The following MAP2K6 variants were observed in gnomAD, a reference collection of about 807,000 sequenced individuals.
MAP2K6 encodes dual specificity mitogen-activated protein kinase kinase 6.
MAP2K6 carries 16 observed loss-of-function variants against 53.7 expected under a neutral mutation model. That is an observed-to-expected ratio of 0.30 (90% CI 0.20 to 0.45). MAP2K6 has a LOEUF of 0.45. Among genes scored for constraint, MAP2K6 ranks in the 20% least tolerant of loss-of-function variants. The pLI is 1.00. For synonymous variants in MAP2K6, 132 were observed against 143.1 expected (o/e 0.92, Z 0.55); for missense variants, 204 against 411.9 (o/e 0.50, Z 4.37).
chr17:69,519,676 T>G (rs1479345689), intron 5 of MAP2K6: 1 of 465,686 alleles, frequency 2.1e-6, no homozygotes, highest in Non-Finnish European at 3.8e-6. Flanking sequence ...TTTTGTTTTG[T>G]TTATCTTGGC....
At chr17:69,519,728 C>G (rs1910367424) in intron 5 of MAP2K6, 1 of 305,906 alleles carries the variant, frequency 3.3e-6, no homozygotes, top group Non-Finnish European at 6.0e-6. Flanking sequence ...GCTTAGATCT[C>G]TTATAATTTG....
intron 1 of MAP2K6, chr17:69,433,958 T>G (rs1281665864): frequency 6.6e-6 from 1 of 152,252 alleles, no homozygotes; most frequent in Non-Finnish European, 1.5e-5. Context: ...TTGCTTGACT[T>G]CAATATACTA....
At chr17:69,535,341 C>T (rs1241200329) in intron 10 of MAP2K6, among the ~76,000 whole-genome samples, 2 of 152,042 alleles carry the variant, frequency 1.3e-5, no homozygotes, top group Non-Finnish European at 2.9e-5. Flanking sequence ...ACCTGTACTC[C>T]CAGCTCTTTG....
At chr17:69,530,988 T>C (rs1911055460) in intron 10 of MAP2K6, among the ~76,000 whole-genome samples, 1 of 152,142 alleles carries the variant, frequency 6.6e-6, no homozygotes, top group Non-Finnish European at 1.5e-5. Context: ...AACTCCCCTT[T>C]ATCAGCTATT....
Position 69,545,557 on chromosome 17 carries a change from C to G in MAP2K6, c.*3804C>G, listed in dbSNP as rs1911845092. On this transcript the variant is annotated 3_prime_UTR_variant, in exon 12 of 12. Coordinates refer to ENST00000590474, the MANE Select transcript of MAP2K6 (RefSeq NM_002758.4). ...CAAAAAATTGTATGTGCCAGAGATTCCTAAACTTTCTGTGTTCAGGGTGCC... is the reference window on the plus strand; with the variant it reads ...CAAAAAATTGTATGTGCCAGAGATTGCTAAACTTTCTGTGTTCAGGGTGCC... The G allele has an allele frequency of 6.6e-6, 1 of 152,186 alleles. No homozygotes were observed. The highest frequency in any genetic ancestry group is 1.5e-5 in the Non-Finnish European group (1 of 68,040). The allele number at this position is 152,186 out of a possible 1,614,324, so 9.4% of individuals were successfully genotyped here.
intron 2 of MAP2K6, among the ~76,000 whole-genome samples, chr17:69,510,885 A>AT (rs891846873): frequency 1.4e-5 from 2 of 145,094 alleles, no homozygotes; most frequent in Non-Finnish European, 3.0e-5. Flanking sequence ...AACTTTATTG[A>AT]TTTTTTTTCT....
chr17:69,416,713 A>G (rs1905914644), intron 1 of MAP2K6, among the ~76,000 whole-genome samples: 1 of 152,246 alleles, frequency 6.6e-6, no homozygotes, highest in Admixed American at 6.5e-5. Flanking sequence ...ATGTAAGGAA[A>G]TCATTATAAT....
At chr17:69,515,666 C>G (rs1350417254) in intron 2 of MAP2K6, among the ~76,000 whole-genome samples, 1 of 152,214 alleles carries the variant, frequency 6.6e-6, no homozygotes, top group East Asian at 1.9e-4. Flanking sequence ...TAAGAAGACC[C>G]CAGAATTGTA....
At chr17:69,537,435 T>C (rs1255441808) in intron 11 of MAP2K6, among the ~76,000 whole-genome samples, 2 of 152,216 alleles carry the variant, frequency 1.3e-5, no homozygotes, top group African/African-American at 2.4e-5. Context: ...CTTGCTCCTC[T>C]GCTATCCCAG....
chr17:69,434,383 G>A (rs1236867717), intron 1 of MAP2K6: 1 of 152,198 alleles, frequency 6.6e-6, no homozygotes, highest in Non-Finnish European at 1.5e-5. Context: ...TGCCAAGAAC[G>A]AGGGAGCTTG....
chr17:69,490,821 A>G (rs1236734816), intron 1 of MAP2K6, among the ~76,000 whole-genome samples: 2 of 152,040 alleles, frequency 1.3e-5, no homozygotes, highest in Non-Finnish European at 2.9e-5. Flanking sequence ...TTACCCAAGT[A>G]TTAAGCCTAG....
chr17:69,521,808 A>AAAAC (rs776401887), intron 7 of MAP2K6: 11 of 25,202 alleles, frequency 4.4e-4, no homozygotes, highest in African/African-American at 1.8e-3. Context: ...TAAATGTACA[A>AAAAC]AAAAAAAAAA....
chr17:69,530,474 A>G (rs945955882), intron 10 of MAP2K6, among the ~76,000 whole-genome samples: 1 of 152,230 alleles, frequency 6.6e-6, no homozygotes, highest in Admixed American at 6.5e-5. Context: ...AGAATGCTAT[A>G]CTTAAGAATA....
At chr17:69,441,934 AG>A (rs1247959791) in intron 1 of MAP2K6, among the ~76,000 whole-genome samples, 1 of 152,042 alleles carries the variant, frequency 6.6e-6, no homozygotes, top group Non-Finnish European at 1.5e-5. Flanking sequence ...TCTGGCTGGG[AG>A]GGAGAAAGGC....
chr17:69,440,847 C>T (rs1021457480), intron 1 of MAP2K6, among the ~76,000 whole-genome samples: 2 of 151,752 alleles, frequency 1.3e-5, no homozygotes, highest in Non-Finnish European at 1.5e-5. Flanking sequence ...ACATAATGCA[C>T]TGTTTCTTTC....
chr17:69,518,075 A>C (rs1311994167), intron 4 of MAP2K6, among the ~76,000 whole-genome samples: 1 of 152,174 alleles, frequency 6.6e-6, no homozygotes, highest in Non-Finnish European at 1.5e-5. Flanking sequence ...CTGTAGTCGC[A>C]GCTACTTGGG....
chr17:69,532,111 A>G (rs1598316690), intron 10 of MAP2K6, among the ~76,000 whole-genome samples: 1 of 152,188 alleles, frequency 6.6e-6, no homozygotes, highest in Non-Finnish European at 1.5e-5. Context: ...ATTGAAGGGT[A>G]GTGGAGGCCC....
chr17:69,457,986 A>G (rs1301640132), intron 1 of MAP2K6, among the ~76,000 whole-genome samples: 3 of 152,078 alleles, frequency 2.0e-5, no homozygotes, highest in Admixed American at 1.3e-4. Flanking sequence ...ACAATACCTT[A>G]GAATTAAGGG....
chr17:69,540,948 A>C (rs780156464), intron 11 of MAP2K6, among the ~76,000 whole-genome samples: 41 of 152,320 alleles, frequency 2.7e-4, no homozygotes, highest in Admixed American at 1.1e-3. Context: ...TCATTCCATC[A>C]TCTTTTTCCT....
Sources: allele counts gnomAD v4.1 joint callset (sites outside exome capture counted in the v4.1 genomes callset), GRCh38; gene constraint gnomAD v4.1.1; transcripts MANE v1.5; gene names NCBI Gene and HGNC (gene_info 2026-07-23, HGNC 2026-07-21).